ANKH: variants seen among roughly 807,000 people sequenced by gnomAD.
ANKH encodes mineralization regulator ANKH.
In ANKH, 15 loss-of-function variants were observed where a neutral mutation model predicts 49.0. That is an observed-to-expected ratio of 0.31 (90% CI 0.20 to 0.47). The LOEUF (loss-of-function observed/expected upper bound fraction) is 0.47. Among genes scored for constraint, ANKH ranks in the 20% least tolerant of loss-of-function variants. The probability of loss-of-function intolerance (pLI) is 1.00; values close to 1 mark genes in which losing one functional copy is unlikely to be tolerated. For missense variants in ANKH, 429 were observed against 652.0 expected, an observed-to-expected ratio of 0.66 and a Z score of 3.72; for synonymous variants, 273 against 260.0, an observed-to-expected ratio of 1.05 and a Z score of -0.48.
At chr5:14,860,102 G>T (rs936354874) in intron 1 of ANKH, among the ~76,000 whole-genome samples, 2 of 152,244 alleles carry the variant, frequency 1.3e-5, no homozygotes, top group African/African-American at 4.8e-5. Context: ...GCCTCTGCGT[G>T]GGGGTACAAA....
chr5:14,756,018 G>T, intron 3 of ANKH, 74 bp from the exon 4 acceptor site: 1 of 1,294,004 alleles, frequency 7.7e-7, no homozygotes, highest in Non-Finnish European at 1.1e-6. Flanking sequence ...GAGATTTACT[G>T]GGCATTCCTG....
chr5:14,788,488 T>C (rs1740050285), intron 1 of ANKH, among the ~76,000 whole-genome samples: 1 of 152,238 alleles, frequency 6.6e-6, no homozygotes, highest in Non-Finnish European at 1.5e-5. Flanking sequence ...ACATTGTTCA[T>C]GAAAGAGCAT....
chr5:14,797,055 G>C lies in ANKH; in HGVS notation c.97-27864C>G. ...CTGAATAAAATCTGTCTCAGAACCA[G>C]TGTTAAATCACTCTCGGGGTTGAGA... On this transcript the variant is annotated intron_variant, in intron 1 of 11. Transcript: ENST00000284268. 4.7e-6 allele frequency: 6 copies of C among 1,276,430 alleles called. No individual in the cohort carries two copies. The Admixed American group carries it at 1.0e-4, about 22-fold the overall frequency. The allele number at this position is 1,276,430 out of a possible 1,614,324, so 79.1% of individuals were successfully genotyped here.
intron 1 of ANKH, among the ~76,000 whole-genome samples, chr5:14,821,106 A>AAT (rs1429039375): frequency 6.6e-6 from 1 of 151,798 alleles, no homozygotes; most frequent in Non-Finnish European, 1.5e-5. Context: ...TTAAAAAAAA[A>AAT]AAAAAATTTC....
chr5:14,852,709 T>C (rs149198318), intron 1 of ANKH, among the ~76,000 whole-genome samples: 28 of 152,222 alleles, frequency 1.8e-4, no homozygotes, highest in African/African-American at 6.5e-4. Context: ...TTAAATTATA[T>C]CAAGTTACAG....
chr5:14,828,301 G>A (rs1302327081), intron 1 of ANKH, among the ~76,000 whole-genome samples: 1 of 152,100 alleles, frequency 6.6e-6, no homozygotes, highest in Non-Finnish European at 1.5e-5. Flanking sequence ...AGACCAGCCT[G>A]GCCAACATGG....
chr5:14,796,476 CAA>C lies in ANKH; in HGVS notation c.97-27287_97-27286del, dbSNP rs35183005. 1.7e-3 allele frequency among the ~76,000 whole-genome samples: 232 copies of C among 132,594 alleles called. 2 individuals carry two copies. Among genetic ancestry groups the C allele is most frequent in the South Asian group, 4.5e-3 (19 of 4,236 alleles). 87.0% of individuals were successfully genotyped at this position (132,594 alleles called of 152,430 possible). On this transcript the variant is annotated intron_variant, in intron 1 of 11. Transcript: ENST00000284268. ...GTTAAAAAAAAAAAACACACACCAA[CAA>C]AAAAAAAAAAAACACCATTTCACAG...
intron 1 of ANKH, among the ~76,000 whole-genome samples, chr5:14,849,940 TC>T (rs1254285260): frequency 6.6e-6 from 1 of 151,914 alleles, no homozygotes; most frequent in Admixed American, 6.6e-5. Flanking sequence ...ACATCTCACC[TC>T]CCTAGGATGC....
intron 8 of ANKH, chr5:14,724,629 C>T (rs372616002): frequency 4.1e-6 from 4 of 976,038 alleles, no homozygotes; most frequent in East Asian, 2.3e-4. Context: ...GAACCAAGAC[C>T]TGCTTCCTCA....
intron 2 of ANKH, among the ~76,000 whole-genome samples, chr5:14,764,743 C>G (rs777342335): frequency 6.6e-6 from 1 of 152,104 alleles, no homozygotes; most frequent in Non-Finnish European, 1.5e-5. Flanking sequence ...GGTTAATAAC[C>G]CATGAATAAT....
chr5:14,715,138 CTTTTTG>C (rs1390331220), intron 9 of ANKH, among the ~76,000 whole-genome samples: 4 of 151,932 alleles, frequency 2.6e-5, no homozygotes, highest in African/African-American at 9.7e-5. Context: ...CTTTCTTTTT[CTTTTTG>C]TTTTGAGACG....
At chr5:14,738,629 T>C (rs1465324760) in intron 8 of ANKH, among the ~76,000 whole-genome samples, 1 of 151,844 alleles carries the variant, frequency 6.6e-6, no homozygotes, top group African/African-American at 2.4e-5. Context: ...AGTTTCAAAA[T>C]TCAAAAAAAC....
intron 1 of ANKH, among the ~76,000 whole-genome samples, chr5:14,813,498 G>A (rs1740946790): frequency 6.6e-6 from 1 of 152,088 alleles, no homozygotes; most frequent in Admixed American, 6.5e-5. Flanking sequence ...AAAAAAGGAG[G>A]AGAAAAACAA....
chr5:14,741,072 G>A (rs1428076312), intron 8 of ANKH, among the ~76,000 whole-genome samples: 2 of 152,146 alleles, frequency 1.3e-5, no homozygotes, highest in East Asian at 1.9e-4. Flanking sequence ...TCCAACGGAA[G>A]GCTGTTTATA....
Position 14,712,857 on chromosome 5 carries a change from C to T in ANKH, c.1365+17G>A, listed in dbSNP as rs756558886. The T allele has an allele frequency of 2.5e-5, 40 of 1,586,870 alleles. No individual in the cohort carries two copies. The highest frequency in any genetic ancestry group is 1.7e-4 in the Middle Eastern group (1 of 5,962). On this transcript the variant is annotated intron_variant, in intron 11 of 11. Coordinates refer to ENST00000284268, the MANE Select transcript of ANKH (RefSeq NM_054027.6). ...GAGGATGCACCCGGGAGGAGGCTCC[C>T]GGCGCGGCTGTCTCACCTGCTTCCG...
At chr5:14,846,993 G>T (rs1358671639) in intron 1 of ANKH, among the ~76,000 whole-genome samples, 7 of 128,866 alleles carry the variant, frequency 5.4e-5, no homozygotes, top group Admixed American at 1.8e-4. Context: ...GGGAAACAGT[G>T]TAAGACTGCC....
At chr5:14,765,693 C>T (rs1739238177) in intron 2 of ANKH, among the ~76,000 whole-genome samples, 1 of 152,150 alleles carries the variant, frequency 6.6e-6, no homozygotes, top group East Asian at 1.9e-4. Context: ...AGGTTCTTTC[C>T]TTTATTGGGG....
chr5:14,790,058 T>C (rs1740115758), intron 1 of ANKH, among the ~76,000 whole-genome samples: 4 of 152,324 alleles, frequency 2.6e-5, no homozygotes, highest in South Asian at 2.1e-4. Context: ...TACAGTTTAG[T>C]CTGCTTTAAA....
At chr5:14,822,895 G>A (rs774171854) in intron 1 of ANKH, among the ~76,000 whole-genome samples, 2 of 152,098 alleles carry the variant, frequency 1.3e-5, no homozygotes, top group Admixed American at 6.5e-5. Context: ...TTAGCTGGGC[G>A]CAGTGGTGCA....
Sources: gnomAD v4.1 joint callset for allele counts (sites outside exome capture counted in the v4.1 genomes callset) on GRCh38, gnomAD v4.1.1 for gene constraint, MANE v1.5 for transcripts, NCBI Gene and HGNC (gene_info 2026-07-23, HGNC 2026-07-21) for gene names.